MSRB3: variants seen among roughly 807,000 people sequenced by gnomAD.
MSRB3 encodes the protein methionine-R-sulfoxide reductase B3.
MSRB3 carries 13 observed loss-of-function variants against 21.0 expected under a neutral mutation model. That is an observed-to-expected ratio of 0.62 (90% CI 0.40 to 0.98). The LOEUF (loss-of-function observed/expected upper bound fraction) is 0.98. MSRB3 is among the 50% of genes least tolerant of loss of function. MSRB3 has a pLI of 0.00. For missense variants in MSRB3, 199 were observed against 230.3 expected, an observed-to-expected ratio of 0.86 and a Z score of 0.88; for synonymous variants, 87 against 88.6, an observed-to-expected ratio of 0.98 and a Z score of 0.10.
At chr12:65,379,676 T>C (rs1197326326) in intron 5 of MSRB3, among the ~76,000 whole-genome samples, 1 of 152,224 alleles carries the variant, frequency 6.6e-6, no homozygotes, top group Middle Eastern at 3.2e-3. Context: ...TTGAGATTTA[T>C]TCATGTTATT....
At chr12:65,294,811 G>A (rs1454327083) in intron 1 of MSRB3, among the ~76,000 whole-genome samples, 1 of 151,952 alleles carries the variant, frequency 6.6e-6, no homozygotes, top group East Asian at 1.9e-4. Context: ...TTGCCATGTG[G>A]TTTCTGTGGG....
chr12:65,353,007 A>G (rs1230249285), intron 4 of MSRB3, among the ~76,000 whole-genome samples: 2 of 151,956 alleles, frequency 1.3e-5, no homozygotes, highest in African/African-American at 4.8e-5. Context: ...CGCATCGCCA[A>G]GGCAATCCTA....
chr12:65,280,541 A>G (rs1871951056), intron 1 of MSRB3, among the ~76,000 whole-genome samples: 2 of 152,348 alleles, frequency 1.3e-5, no homozygotes, highest in East Asian at 3.9e-4. Context: ...TTTGAACATC[A>G]AGTTTATATT....
At chr12:65,386,389 A>T (rs1229791231) in intron 5 of MSRB3, among the ~76,000 whole-genome samples, 3 of 151,942 alleles carry the variant, frequency 2.0e-5, no homozygotes, top group African/African-American at 7.2e-5. Context: ...TGATTCTGGG[A>T]TCTTTATGTT....
At chr12:65,376,309 CG>C (rs1878618924) in intron 5 of MSRB3, among the ~76,000 whole-genome samples, 1 of 151,956 alleles carries the variant, frequency 6.6e-6, no homozygotes, top group Non-Finnish European at 1.5e-5. Context: ...TTAGTAGAGA[CG>C]GGGTTTCACC....
intron 5 of MSRB3, among the ~76,000 whole-genome samples, chr12:65,371,793 C>G (rs955655549): frequency 6.6e-6 from 1 of 152,008 alleles, no homozygotes; most frequent in Non-Finnish European, 1.5e-5. Flanking sequence ...GAATGTATAC[C>G]AAATGATTAT....
chr12:65,328,072 T>C (rs1019248032), intron 3 of MSRB3, among the ~76,000 whole-genome samples: 1 of 152,210 alleles, frequency 6.6e-6, no homozygotes, highest in Admixed American at 6.5e-5. Context: ...GCCTTTAAGA[T>C]TGTTAACTTA....
intron 5 of MSRB3, among the ~76,000 whole-genome samples, chr12:65,380,203 C>T (rs576296041): frequency 2.0e-5 from 3 of 152,166 alleles, no homozygotes; most frequent in South Asian, 4.2e-4. Context: ...AAATAGAGGG[C>T]CCCTTAAGGT....
At chr12:65,297,236 A>T (rs1873027111) in intron 1 of MSRB3, among the ~76,000 whole-genome samples, 1 of 151,932 alleles carries the variant, frequency 6.6e-6, no homozygotes, top group Admixed American at 6.5e-5. Flanking sequence ...GGGTGAGGGG[A>T]GGGAGAGCAT....
chr12:65,402,399 G>A (rs1000764003), intron 5 of MSRB3, among the ~76,000 whole-genome samples: 3 of 151,972 alleles, frequency 2.0e-5, no homozygotes, highest in African/African-American at 7.3e-5. Flanking sequence ...CTACTTGATC[G>A]ATTTGGCTAT....
At chr12:65,286,973 A>G (rs1414356938) in intron 1 of MSRB3, among the ~76,000 whole-genome samples, 1 of 128,478 alleles carries the variant, frequency 7.8e-6, no homozygotes, top group Non-Finnish European at 1.6e-5. Flanking sequence ...GTGAGCTATG[A>G]TTGCACCACT....
At chr12:65,337,277 A>AAAAC (rs1277327053) in intron 4 of MSRB3, among the ~76,000 whole-genome samples, 1 of 151,354 alleles carries the variant, frequency 6.6e-6, no homozygotes, top group African/African-American at 2.4e-5. Context: ...ACAAAAAAAA[A>AAAAC]CCAAAAATCA....
intron 2 of MSRB3, among the ~76,000 whole-genome samples, chr12:65,311,607 G>C (rs190599324): frequency 1.4e-4 from 22 of 152,134 alleles, no homozygotes; most frequent in African/African-American, 5.3e-4. Context: ...TGTACAGGTA[G>C]GGAAGAGAAG....
At chr12:65,299,803 T>C (rs1873201342) in intron 1 of MSRB3, among the ~76,000 whole-genome samples, 1 of 152,186 alleles carries the variant, frequency 6.6e-6, no homozygotes, top group South Asian at 2.1e-4. Context: ...TGTTGCTATA[T>C]AGTTTTTGTT....
intron 5 of MSRB3, among the ~76,000 whole-genome samples, chr12:65,411,449 A>G (rs934084186): frequency 3.9e-5 from 6 of 152,136 alleles, no homozygotes; most frequent in Admixed American, 3.9e-4. Flanking sequence ...TTATACTCAG[A>G]TCTCCTTTTT....
intron 5 of MSRB3, among the ~76,000 whole-genome samples, chr12:65,375,157 T>C (rs1384918460): frequency 6.6e-6 from 1 of 152,178 alleles, no homozygotes; most frequent in African/African-American, 2.4e-5. Context: ...TATCAATCTT[T>C]CTTGATTGAA....
At position 65,308,483 on chromosome 12, in the gene MSRB3, G is replaced by T. The variant is rs534832350; in HGVS notation, c.-51-46G>T. 163 of 1,602,620 alleles carry T rather than the reference G, an allele frequency of 1.0e-4. No individual in the cohort carries two copies. In the African/African-American group the frequency reaches 2.0e-3, roughly 20 times the overall value. On this transcript the variant is annotated intron_variant, in intron 1 of 6. Coordinates refer to ENST00000308259, the MANE Select transcript of MSRB3 (RefSeq NM_001031679.3). ...TGTGCAATGAATGTGTTTAATATTTGTGATGTTTTAATTTGATTTTTGTTT... is the reference window on the plus strand; with the variant it reads ...TGTGCAATGAATGTGTTTAATATTTTTGATGTTTTAATTTGATTTTTGTTT...
chr12:65,361,975 G>A (rs1192622530), intron 4 of MSRB3, among the ~76,000 whole-genome samples: 2 of 152,058 alleles, frequency 1.3e-5, no homozygotes, highest in African/African-American at 4.8e-5. Flanking sequence ...TTATCGAAAT[G>A]TAACATAGAG....
chr12:65,301,405 A>G (rs1217614550), intron 1 of MSRB3, among the ~76,000 whole-genome samples: 1 of 152,002 alleles, frequency 6.6e-6, no homozygotes, highest in Non-Finnish European at 1.5e-5. Flanking sequence ...AAGAATAGGT[A>G]AAATCTACAC....
Sources: gnomAD v4.1 joint callset for allele counts (sites outside exome capture counted in the v4.1 genomes callset) on GRCh38, gnomAD v4.1.1 for gene constraint, MANE v1.5 for transcripts, NCBI Gene and HGNC (gene_info 2026-07-23, HGNC 2026-07-21) for gene names.